The following ANXA3 variants were observed in gnomAD, a reference collection of about 807,000 sequenced individuals.
ANXA3 encodes the protein 35-alpha calcimedin.
In ANXA3, 46 loss-of-function variants were observed where a neutral mutation model predicts 48.8. That is an observed-to-expected ratio of 0.94 (90% CI 0.74 to 1.21). The LOEUF (loss-of-function observed/expected upper bound fraction) is 1.21. ANXA3 is among the 50% of genes most tolerant of loss of function. The pLI, the probability that ANXA3 is intolerant of heterozygous loss-of-function variation, is 0.00. For missense variants in ANXA3, 383 were observed against 378.6 expected (o/e 1.01, Z -0.10); for synonymous variants, 128 against 134.7 (o/e 0.95, Z 0.35).
At chr4:78,604,535 G>T (rs1368491209) in intron 12 of ANXA3, 136 bp downstream of exon 12, 2 of 669,848 alleles carry the variant, frequency 3.0e-6, no homozygotes, top group African/African-American at 1.8e-5. Flanking sequence ...TGTTGTCTGA[G>T]CTTAAAATAG....
chr4:78,575,581 T>A (rs1722932018), intron 3 of ANXA3, among the ~76,000 whole-genome samples: 2 of 152,230 alleles, frequency 1.3e-5, no homozygotes, highest in South Asian at 4.1e-4. Flanking sequence ...CCACCATGAT[T>A]GTGAGGCTTC....
In ANXA3 at chr4:78,595,383, C is replaced by A. The variant is rs751358210; in HGVS notation, c.486C>A (p.Gly162=). ...FRKALLTLAD[G]RRDESLKVDE... ...CTTGTTTTCGTCCTCCTGTTTAGGG[C>A]AGAAGAGATGAAAGTCTGAAAGTGG... Residue 162 remains glycine, a splice_region_variant and synonymous_variant, in exon 8 of 13, where the codon GGC becomes GGA. Transcript: ENST00000264908. The A allele has an allele frequency of 1.9e-6, 3 of 1,613,778 alleles. No homozygotes were observed. Among genetic ancestry groups the A allele is most frequent in the South Asian group, 2.2e-5 (2 of 91,038 alleles).
At chr4:78,589,359 G>A (rs551108788) in intron 6 of ANXA3, among the ~76,000 whole-genome samples, 79 of 152,286 alleles carry the variant, frequency 5.2e-4, no homozygotes, top group African/African-American at 1.8e-3. Context: ...TTGGTTACTA[G>A]AGATTAATGA....
intron 2 of ANXA3, among the ~76,000 whole-genome samples, chr4:78,572,689 G>A (rs13127051): frequency 0.45 from 68,428 of 152,038 alleles, 18,833 homozygotes; most frequent in Non-Finnish European, 0.6. Flanking sequence ...CTTCTCAAAA[G>A]GCCAACTGTA....
chr4:78,579,950 T>G (rs1243121364), intron 4 of ANXA3, among the ~76,000 whole-genome samples: 2 of 152,104 alleles, frequency 1.3e-5, no homozygotes, highest in Non-Finnish European at 2.9e-5. Flanking sequence ...AAGGAAAAAG[T>G]AAAAGTAAGA....
Position 78,604,334 on chromosome 4 carries a change from G to C in ANXA3, c.847G>C (p.Asp283His). The C allele has an allele frequency of 1.2e-6, 2 of 1,613,328 alleles. No individual in the cohort carries two copies. The highest frequency in any genetic ancestry group is 1.7e-6 in the Non-Finnish European group (2 of 1,179,492). Residue 283 changes from aspartate (D) to histidine (H), a missense_variant, in exon 12 of 13, where the codon GAC becomes CAC. By Grantham distance (81) the Asp-to-His change is moderately conservative (BLOSUM62 -1). Transcript: ENST00000264908. The stretch of plus-strand genomic sequence containing the variant: ...AATAATGGTGTCCAGATCAGAAATT[G>C]ACCTTTTGGACATTCGAACAGAGTT... Reference protein sequence around the residue: ...NRIMVSRSEIDLLDIRTEFKK... With the variant: ...NRIMVSRSEIHLLDIRTEFKK...
intron 2 of ANXA3, among the ~76,000 whole-genome samples, chr4:78,567,975 A>C (rs1343781506): frequency 6.6e-6 from 1 of 152,230 alleles, no homozygotes; most frequent in Non-Finnish European, 1.5e-5. Flanking sequence ...TGCCTTCACC[A>C]TCACATCACA....
At chr4:78,575,657 A>G (rs949873452) in intron 3 of ANXA3, among the ~76,000 whole-genome samples, 1 of 152,220 alleles carries the variant, frequency 6.6e-6, no homozygotes, top group African/African-American at 2.4e-5. Flanking sequence ...AGGCTAGGGT[A>G]TGTCTTTATC....
At chr4:78,586,469 C>G (rs531072691) in intron 6 of ANXA3, 119 bp downstream of exon 6, 7 of 658,480 alleles carry the variant, frequency 1.1e-5, no homozygotes, top group African/African-American at 1.8e-5. Flanking sequence ...CTTACAGAAA[C>G]GAGAATACAT....
chr4:78,570,239 A>C (rs1722816621), intron 2 of ANXA3, among the ~76,000 whole-genome samples: 1 of 152,100 alleles, frequency 6.6e-6, no homozygotes, highest in Non-Finnish European at 1.5e-5. Context: ...AATTCTTGCT[A>C]AGTACTAAAT....
chr4:78,572,414 T>C (rs1445486292), intron 2 of ANXA3, among the ~76,000 whole-genome samples: 1 of 152,166 alleles, frequency 6.6e-6, no homozygotes, highest in East Asian at 1.9e-4. Flanking sequence ...AAAAGTTTAA[T>C]TGATGCCAGG....
intron 2 of ANXA3, among the ~76,000 whole-genome samples, chr4:78,559,183 G>A (rs114721509): frequency 0.016 from 2,485 of 152,058 alleles, 34 homozygotes; most frequent in Middle Eastern, 0.031. Flanking sequence ...GGGCTCAAGC[G>A]ATCCTACTGC....
At chr4:78,608,424 C>A (rs1297698036) in intron 12 of ANXA3, among the ~76,000 whole-genome samples, 3 of 152,072 alleles carry the variant, frequency 2.0e-5, no homozygotes, top group African/African-American at 4.8e-5. Flanking sequence ...CATGCAGGAC[C>A]TTTTTGGCAA....
At chr4:78,582,418 T>A in intron 5 of ANXA3, 128 bp downstream of exon 5, 1 of 599,108 alleles carries the variant, frequency 1.7e-6, no homozygotes, top group East Asian at 2.8e-5. Context: ...CTCCCAGTGG[T>A]AGAATGACTC....
intron 3 of ANXA3, among the ~76,000 whole-genome samples, chr4:78,574,586 G>C (rs1722910339): frequency 6.6e-6 from 1 of 152,080 alleles, no homozygotes; most frequent in Admixed American, 6.6e-5. Flanking sequence ...TGTTATGCAT[G>C]GTCTCAAACA....
At chr4:78,586,757 A>G (rs148310320) in intron 6 of ANXA3, among the ~76,000 whole-genome samples, 1 of 152,360 alleles carries the variant, frequency 6.6e-6, no homozygotes, top group East Asian at 1.9e-4. Flanking sequence ...GTTGAGCATA[A>G]GGATTCAATA....
intron 2 of ANXA3, among the ~76,000 whole-genome samples, chr4:78,562,491 T>C (rs1401474127): frequency 6.6e-6 from 1 of 152,232 alleles, no homozygotes; most frequent in Admixed American, 6.5e-5. Flanking sequence ...TTTTACCATA[T>C]GGCATGGAGC....
At chr4:78,568,186 C>G (rs904865174) in intron 2 of ANXA3, among the ~76,000 whole-genome samples, 11 of 152,230 alleles carry the variant, frequency 7.2e-5, no homozygotes, top group Admixed American at 2.0e-4. Flanking sequence ...CCCATAACAC[C>G]TGCCTCACTT....
intron 2 of ANXA3, among the ~76,000 whole-genome samples, chr4:78,567,004 C>T (rs1722745259): frequency 6.6e-6 from 1 of 152,192 alleles, no homozygotes; most frequent in Non-Finnish European, 1.5e-5. Flanking sequence ...GCACCGCCTA[C>T]TCCTTACTGC....
Sources: gnomAD v4.1 joint callset for allele counts (sites outside exome capture counted in the v4.1 genomes callset) on GRCh38, gnomAD v4.1.1 for gene constraint, MANE v1.5 for transcripts, NCBI Gene and HGNC (gene_info 2026-07-23, HGNC 2026-07-21) for gene names.